Variants in PRRX2 observed in about 807,000 individuals in gnomAD.
The protein encoded by PRRX2 is paired mesoderm homeobox protein 2.
In PRRX2, 11 loss-of-function variants were observed where a neutral mutation model predicts 18.0. That is an observed-to-expected ratio of 0.61 (90% confidence interval 0.39 to 1.01). The LOEUF (loss-of-function observed/expected upper bound fraction) is 1.01, where lower values mean the gene tolerates loss of function less well. PRRX2 is among the 50% of genes least tolerant of loss of function. PRRX2 has a pLI of 0.01. For missense variants in PRRX2, 387 were observed against 351.0 expected (o/e 1.10, Z -0.82); for synonymous variants, 177 against 154.8 (o/e 1.14, Z -1.06).
At chr9:129,693,682 G>A (rs989773057) in intron 1 of PRRX2, among the ~76,000 whole-genome samples, 5 of 152,318 alleles carry the variant, frequency 3.3e-5, no homozygotes, top group African/African-American at 1.2e-4. Flanking sequence ...TTATGTGCAG[G>A]AGGAAGAATA....
chr9:129,685,264 C>T (rs1199935271), intron 1 of PRRX2, among the ~76,000 whole-genome samples: 2 of 152,260 alleles, frequency 1.3e-5, no homozygotes, highest in East Asian at 3.8e-4. Flanking sequence ...TTACATTAAG[C>T]ACCATGGCAA....
chr9:129,677,382 C>G (rs1277188632), intron 1 of PRRX2, among the ~76,000 whole-genome samples: 1 of 152,272 alleles, frequency 6.6e-6, no homozygotes, highest in Non-Finnish European at 1.5e-5. Context: ...AGGTATCACA[C>G]TGGCCACCTC....
chr9:129,696,804 G>A (rs1322694830), intron 1 of PRRX2, among the ~76,000 whole-genome samples: 1 of 148,096 alleles, frequency 6.8e-6, no homozygotes, highest in Admixed American at 7.0e-5. Flanking sequence ...GGTGCAGAGG[G>A]GGTCCCTGAC....
At chr9:129,681,949 G>C (rs1832237141) in intron 1 of PRRX2, among the ~76,000 whole-genome samples, 1 of 152,104 alleles carries the variant, frequency 6.6e-6, no homozygotes, top group Non-Finnish European at 1.5e-5. Flanking sequence ...CCACAGCAGT[G>C]ACTGGAAGCG....
intron 1 of PRRX2, among the ~76,000 whole-genome samples, chr9:129,692,292 T>C (rs1200444068): frequency 6.6e-6 from 1 of 152,008 alleles, no homozygotes; most frequent in Non-Finnish European, 1.5e-5. Context: ...CACAGCAAAG[T>C]TGAGTGGAAA....
Position 129,710,665 on chromosome 9 carries a change from G to A in PRRX2, c.260-8566G>A, listed in dbSNP as rs187701220. Among the ~76,000 whole-genome samples, 429 of 152,242 alleles carry A rather than the reference G, an allele frequency of 2.8e-3. 1 individual carries two copies. The highest frequency in any genetic ancestry group is 0.01 in the African/African-American group (416 of 41,550). Reference sequence around the variant, plus strand: ...GGAGAATCGTTTGAACCTGGGAGGCGGAGATTGCAGTGAGCAGAGATCGCG... The same window carrying A: ...GGAGAATCGTTTGAACCTGGGAGGCAGAGATTGCAGTGAGCAGAGATCGCG... On this transcript the variant is annotated intron_variant, in intron 1 of 3. Coordinates refer to ENST00000372469, the MANE Select transcript of PRRX2 (RefSeq NM_016307.4).
chr9:129,692,074 G>A (rs1384620971), intron 1 of PRRX2, among the ~76,000 whole-genome samples: 1 of 151,886 alleles, frequency 6.6e-6, no homozygotes, highest in Non-Finnish European at 1.5e-5. Flanking sequence ...CTCCCAAGTA[G>A]CTGGGACTAT....
chr9:129,698,425 G>A (rs1191310447), intron 1 of PRRX2, among the ~76,000 whole-genome samples: 4 of 152,230 alleles, frequency 2.6e-5, no homozygotes, highest in South Asian at 2.1e-4. Context: ...AGTTCCCCGA[G>A]TTCCCCCTGG....
chr9:129,680,090 C>G (rs1452219556), intron 1 of PRRX2, among the ~76,000 whole-genome samples: 1 of 152,076 alleles, frequency 6.6e-6, no homozygotes, highest in Non-Finnish European at 1.5e-5. Context: ...CCTGCCTCGC[C>G]CCTGAAGAGT....
intron 1 of PRRX2, among the ~76,000 whole-genome samples, chr9:129,713,956 T>A (rs1036164108): frequency 6.6e-6 from 1 of 151,694 alleles, no homozygotes; most frequent in African/African-American, 2.4e-5. Context: ...AGACATCGAT[T>A]TCAATCCCAG....
At position 129,695,453 on chromosome 9, in the gene PRRX2, A is replaced by G. The variant is rs1466556578; in HGVS notation, c.260-23778A>G. Among the ~76,000 whole-genome samples the G allele has an allele frequency of 6.6e-6, 1 of 152,180 alleles. No individual in the cohort carries two copies. The highest frequency in any genetic ancestry group is 2.4e-5 in the African/African-American group (1 of 41,454). Reference sequence around the variant, plus strand: ...TTCCCGGTCTCTTGCTCTGGGCTTTACTTGACCAATGTGCTTCTTTGGTTT... The same window carrying G: ...TTCCCGGTCTCTTGCTCTGGGCTTTGCTTGACCAATGTGCTTCTTTGGTTT... On this transcript the variant is annotated intron_variant, in intron 1 of 3. Coordinates refer to ENST00000372469, the MANE Select transcript of PRRX2 (RefSeq NM_016307.4). The surrounding 1 kb of genome is among the most constrained non-coding windows in gnomAD (Gnocchi z 4.8).
chr9:129,679,056 G>A (rs185546392), intron 1 of PRRX2, among the ~76,000 whole-genome samples: 10 of 152,292 alleles, frequency 6.6e-5, no homozygotes, highest in Admixed American at 3.3e-4. Context: ...GCCCCACGTC[G>A]CAGTCCACCA....
chr9:129,669,912 A>G (rs1159500648), intron 1 of PRRX2, among the ~76,000 whole-genome samples: 1 of 151,490 alleles, frequency 6.6e-6, no homozygotes, highest in Non-Finnish European at 1.5e-5. Flanking sequence ...GTCCGTTCAC[A>G]TTGTCGTGCA....
chr9:129,675,873 C>G lies in PRRX2; in HGVS notation c.259+9747C>G, dbSNP rs10120140. ...GCCTCCCGTATAAAACCCCGCAGAA[C>G]GCCGAGGTCTTGAAAGCCAGTGCAC... On this transcript the variant is annotated intron_variant, in intron 1 of 3. Transcript: ENST00000372469. The surrounding 1 kb of genome is among the most constrained non-coding windows in gnomAD (Gnocchi z 4.4). Among the ~76,000 whole-genome samples the G allele has an allele frequency of 0.047, 7,147 of 152,280 alleles. 243 individuals carry two copies. Among genetic ancestry groups the G allele is most frequent in the African/African-American group, 0.089 (3,701 of 41,548 alleles).
chr9:129,673,562 C>T (rs1832125585), intron 1 of PRRX2, among the ~76,000 whole-genome samples: 2 of 152,132 alleles, frequency 1.3e-5, no homozygotes, highest in African/African-American at 4.8e-5. Flanking sequence ...TCGGTGAAAA[C>T]TTTGTCCTAG....
chr9:129,700,373 C>G (rs1345760125), intron 1 of PRRX2, among the ~76,000 whole-genome samples: 4 of 149,260 alleles, frequency 2.7e-5, no homozygotes, highest in African/African-American at 7.5e-5. Flanking sequence ...AAGCCTCGCT[C>G]TGTCGCCCAG....
At chr9:129,686,069 TG>T (rs894570593) in intron 1 of PRRX2, among the ~76,000 whole-genome samples, 2 of 152,056 alleles carry the variant, frequency 1.3e-5, no homozygotes, top group African/African-American at 4.8e-5. Flanking sequence ...GTGCAAAGAC[TG>T]GAAGTAGCAG....
In PRRX2 at chr9:129,665,926, C is replaced by G; in HGVS notation, c.59C>G (p.Pro20Arg). Residue 20 changes from proline (P) to arginine (R), a missense_variant, in exon 1 of 4, where the codon CCG (proline) becomes CGG (arginine). Pro to Arg is a moderately radical substitution (Grantham distance 103, BLOSUM62 -2). Transcript: ENST00000372469. The surrounding 1 kb of genome is among the most constrained non-coding windows in gnomAD (Gnocchi z 5.3). The stretch of plus-strand genomic sequence containing the variant: ...AAGCCGGCGCTGGGCCCGGGGCCGC[C>G]GCCGCCTCCACCCGCGCTGGGGCCC... ...LDKPALGPGP[P>R]PPPPALGPGD... The G allele has an allele frequency of 9.0e-7, 1 of 1,115,606 alleles. No homozygotes were observed. Among genetic ancestry groups the G allele is most frequent in the Non-Finnish European group, 1.1e-6 (1 of 914,298 alleles). The allele number at this position is 1,115,606 out of a possible 1,614,324, so 69.1% of individuals were successfully genotyped here.
chr9:129,699,808 G>A (rs1464908968), intron 1 of PRRX2, among the ~76,000 whole-genome samples: 3 of 152,192 alleles, frequency 2.0e-5, no homozygotes, highest in African/African-American at 4.8e-5. Context: ...TGCTCTGTGT[G>A]TGTCAGTGCA....
Sources: gnomAD v4.1 joint callset for allele counts (sites outside exome capture counted in the v4.1 genomes callset) on GRCh38, gnomAD v4.1.1 for gene constraint, Gnocchi (gnomAD v3.1) non-coding constraint, MANE v1.5 for transcripts, NCBI Gene and HGNC (gene_info 2026-07-23, HGNC 2026-07-21) for gene names.